The following OR51V1 variants were observed in gnomAD, a reference collection of about 807,000 sequenced individuals.
OR51V1 encodes olfactory receptor 51V1.
OR51V1 carries 16 observed loss-of-function variants against 16.3 expected under a neutral mutation model. The ratio of observed to expected loss-of-function variants is 0.98; its 90% confidence interval spans 0.67 to 1.49. The LOEUF (loss-of-function observed/expected upper bound fraction) is 1.49, where lower values mean the gene tolerates loss of function less well. OR51V1 is among the 40% of genes most tolerant of loss of function. The probability of loss-of-function intolerance (pLI) is 0.00; values close to 1 mark genes in which losing one functional copy is unlikely to be tolerated. For synonymous variants in OR51V1, 189 were observed against 142.2 expected (o/e 1.33, Z -2.34); for missense variants, 469 against 380.4 (o/e 1.23, Z -1.94).
rs765806149 is a variant in OR51V1, at chr11:5,200,497, CAT to C, written c.184_185del (p.Met62ValfsTer11). On this transcript the variant is annotated frameshift_variant, in exon 1 of 1. Coordinates refer to ENST00000641270, the MANE Select transcript of OR51V1 (RefSeq NM_001004760.3). LOFTEE classifies it high-confidence loss of function. ...GGGCCAGCATGGACAGGAAGTAAAA[CAT>C]AGGCTGGTGCAGGCTTGGCTCAGTC... is the stretch of plus-strand genomic sequence containing the variant. The part of the protein sequence containing the change: ...IWTEPSLHQP[M>X]FYFLSMLALT... 2.2e-5 allele frequency: 36 copies of C among 1,613,538 alleles called. No homozygotes were observed. In the Admixed American group the frequency reaches 5.7e-4, roughly 25 times the overall value.
At position 5,200,648 on chromosome 11, in the gene OR51V1, T is replaced by G; in HGVS notation, c.35A>C (p.Asn12Thr). 6.2e-7 allele frequency: 1 copy of G among 1,610,874 alleles called. No homozygotes were observed. The highest frequency in any genetic ancestry group is 8.5e-7 in the Non-Finnish European group (1 of 1,177,562). ...AAATCCAGTGAGAAGAAAGGAAGAA[T>G]TCGTGCTGGTGCTAGGGCTTACTGA... is the stretch of plus-strand genomic sequence containing the variant. The part of the protein sequence containing the change: ...ITSVSPSTST[N>T]SSFLLTGFSG... The change falls in exon 1 of 1, where the codon AAT (asparagine) becomes ACT (threonine). Residue 12 changes from asparagine (N) to threonine (T), a missense_variant. Physicochemically the swap from Asn to Thr is moderately conservative, Grantham distance 65 (BLOSUM62 0). Transcript: ENST00000641270.
Position 5,200,446 on chromosome 11 carries a change from G to T in OR51V1, c.237C>A (p.Ser79=). 1 of 1,613,894 alleles carries T rather than the reference G, an allele frequency of 6.2e-7. No homozygotes were observed. Among genetic ancestry groups the T allele is most frequent in the South Asian group, 1.1e-5 (1 of 91,058 alleles). ...GGATCCCCAGCACTGTGTACACAGTGGACAGCCCCATGCACAGGTCAGTGA... is the reference window on the plus strand; with the variant it reads ...GGATCCCCAGCACTGTGTACACAGTTGACAGCCCCATGCACAGGTCAGTGA... ...LALTDLCMGL[S]TVYTVLGILW... is the part of the protein sequence containing the mutation. The change falls in exon 1 of 1, where the codon TCC becomes TCA. Residue 79 remains serine, a synonymous_variant. Coordinates refer to ENST00000641270, the MANE Select transcript of OR51V1 (RefSeq NM_001004760.3).
In OR51V1 at chr11:5,200,634, G is replaced by C. The variant is rs957491734; in HGVS notation, c.49C>G (p.Leu17Val). ...TGCTCCATGCCAGAAAATCCAGTGA[G>C]AAGAAAGGAAGAATTCGTGCTGGTG... is the stretch of plus-strand genomic sequence containing the variant. ...PSTSTNSSFLLTGFSGMEQQY... is the reference protein window; with the variant it reads ...PSTSTNSSFLVTGFSGMEQQY... Residue 17 changes from leucine to valine, a missense_variant, in exon 1 of 1, where the codon CTC becomes GTC. Leu to Val is a conservative substitution (Grantham distance 32). Coordinates refer to ENST00000641270, the MANE Select transcript of OR51V1 (RefSeq NM_001004760.3). The C allele has an allele frequency of 1.9e-5, 30 of 1,611,414 alleles. No homozygotes were observed. Among genetic ancestry groups the C allele is most frequent in the Non-Finnish European group, 2.5e-5 (29 of 1,177,826 alleles).
rs768950681 is a variant in OR51V1, at chr11:5,200,052, A to G, written c.631T>C (p.Leu211=). 17 of 1,611,720 alleles carry G rather than the reference A, an allele frequency of 1.1e-5. No homozygotes were observed. In the African/African-American group the frequency reaches 1.7e-4, roughly 16 times the overall value. Residue 211 remains leucine, a synonymous_variant, in exon 1 of 1, where the codon TTG becomes CTG. Transcript: ENST00000641270. ...YALMLVICIL[L]LDAILILFSY... is the part of the protein sequence containing the mutation. Reference sequence around the variant, plus strand: ...AAAAGGATGAGTATAGCATCCAACAACAGTATGCAAATAACCAGCATCAGG... The same window carrying G: ...AAAAGGATGAGTATAGCATCCAACAGCAGTATGCAAATAACCAGCATCAGG...
Position 5,200,029 on chromosome 11 carries a change from A to G in OR51V1, c.654T>C (p.Leu218=). 6.2e-7 allele frequency: 1 copy of G among 1,613,536 alleles called. No individual in the cohort carries two copies. Among genetic ancestry groups the G allele is most frequent in the Non-Finnish European group, 8.5e-7 (1 of 1,179,488 alleles). Residue 218 remains leucine (L), a synonymous_variant, in exon 1 of 1, where the codon CTT becomes CTC. Transcript: ENST00000641270. The part of the protein sequence containing the change: ...CILLLDAILI[L]FSYILILKSV... ...ACTTAAGAATCAGGATGTAGGAGAA[A>G]AGGATGAGTATAGCATCCAACAACA...
In OR51V1 at chr11:5,200,235, T is replaced by C; in HGVS notation, c.448A>G (p.Thr150Ala). The change falls in exon 1 of 1, where the codon ACT (threonine) becomes GCT (alanine). Residue 150 changes from threonine (T) to alanine (A), a missense_variant. By Grantham distance (58) the Thr-to-Ala change is moderately conservative. Coordinates refer to ENST00000641270, the MANE Select transcript of OR51V1 (RefSeq NM_001004760.3). ...TNSRIIKIGL[T>A]IIGRSFFFIT... ...AAGAAAAAACTCCTACCTATTATAGTGAGCCCAATTTTGATAATTCTGGAA... is the reference window on the plus strand; with the variant it reads ...AAGAAAAAACTCCTACCTATTATAGCGAGCCCAATTTTGATAATTCTGGAA... 1 of 1,613,858 alleles carries C rather than the reference T, an allele frequency of 6.2e-7. No individual in the cohort carries two copies. Among genetic ancestry groups the C allele is most frequent in the East Asian group, 2.2e-5 (1 of 44,866 alleles).
At position 5,200,419 on chromosome 11, in the gene OR51V1, C is replaced by T. The variant is rs762202541; in HGVS notation, c.264G>A (p.Leu88=). The T allele has an allele frequency of 6.2e-7, 1 of 1,613,876 alleles. No homozygotes were observed. Among genetic ancestry groups the T allele is most frequent in the East Asian group, 2.2e-5 (1 of 44,848 alleles). Residue 88 remains leucine, a synonymous_variant, in exon 1 of 1, where the codon CTG becomes CTA. Coordinates refer to ENST00000641270, the MANE Select transcript of OR51V1 (RefSeq NM_001004760.3). ...AGCTGATCTCTCGAATGATCCCCCA[C>T]AGGATCCCCAGCACTGTGTACACAG... The part of the protein sequence containing the change: ...LSTVYTVLGI[L]WGIIREISLD...
rs7933718 is a variant in OR51V1, at chr11:5,200,194, G to A, written c.489C>T (p.Ile163=). 2.4e-3 allele frequency: 3,909 copies of A among 1,612,786 alleles called. 80 individuals are homozygous for A. The African/African-American group carries it at 0.046, about 19-fold the overall frequency. Residue 163 remains isoleucine (I), a synonymous_variant, in exon 1 of 1, where the codon ATC becomes ATT. Coordinates refer to ENST00000641270, the MANE Select transcript of OR51V1 (RefSeq NM_001004760.3). ...GRSFFFITPP[I]ICLKFFNYCH... is the part of the protein sequence containing the mutation. ...AGTAATTAAAAAATTTCAGACAGAT[G>A]ATGGGGGGTGTAATAAAGAAAAAAC... is the stretch of plus-strand genomic sequence containing the variant.
At position 5,199,747 on chromosome 11, in the gene OR51V1, C is replaced by G; in HGVS notation, c.936G>C (p.Leu312=). ...ATCTCAATATCTCTCAATATCTTTTCAGAGAAAAGAGTCTAAGCATTCTGG... is the reference window on the plus strand; with the variant it reads ...ATCTCAATATCTCTCAATATCTTTTGAGAGAAAAGAGTCTAAGCATTCTGG... The part of the protein sequence containing the change: ...IHTRMLRLFS[L]KRY The change falls in exon 1 of 1, where the codon CTG becomes CTC. Residue 312 remains leucine (L), a synonymous_variant. Transcript: ENST00000641270. 6.3e-7 allele frequency: 1 copy of G among 1,590,746 alleles called. No individual in the cohort carries two copies.
Position 5,200,605 on chromosome 11 carries a change from T to C in OR51V1, c.78A>G (p.Gln26=). 6.2e-7 allele frequency: 1 copy of C among 1,611,168 alleles called. No individual in the cohort carries two copies. Among genetic ancestry groups the C allele is most frequent in the Non-Finnish European group, 8.5e-7 (1 of 1,177,338 alleles). The change falls in exon 1 of 1, where the codon CAA becomes CAG. Residue 26 remains glutamine, a synonymous_variant. Transcript: ENST00000641270. ...LLTGFSGMEQ[Q]YPWLSIPFSS... ...AGAAGGGGATGGAAAGCCAGGGGTATTGCTGCTCCATGCCAGAAAATCCAG... is the reference window on the plus strand; with the variant it reads ...AGAAGGGGATGGAAAGCCAGGGGTACTGCTGCTCCATGCCAGAAAATCCAG...
In OR51V1 at chr11:5,200,132, T is replaced by G. The variant is rs1343892621; in HGVS notation, c.551A>C (p.His184Pro). 6.2e-7 allele frequency: 1 copy of G among 1,613,626 alleles called. No individual in the cohort carries two copies. Among genetic ancestry groups the G allele is most frequent in the African/African-American group, 1.3e-5 (1 of 74,866 alleles). Residue 184 changes from histidine to proline, a missense_variant, in exon 1 of 1, where the codon CAC (histidine) becomes CCC (proline). Physicochemically the swap from His to Pro is moderately conservative, Grantham distance 77 (BLOSUM62 -2). Coordinates refer to ENST00000641270, the MANE Select transcript of OR51V1 (RefSeq NM_001004760.3). ...ACAGGCTAAGCGGAGAAGATCCTGG[T>G]GCAGGCAGAAAGAGTGAGAAAGGAT... ...FHILSHSFCLHQDLLRLACSD... is the reference protein window; with the variant it reads ...FHILSHSFCLPQDLLRLACSD...
At position 5,200,192 on chromosome 11, in the gene OR51V1, A is replaced by T; in HGVS notation, c.491T>A (p.Ile164Asn). 6.2e-7 allele frequency: 1 copy of T among 1,613,158 alleles called. No individual in the cohort carries two copies. Among genetic ancestry groups the T allele is most frequent in the Non-Finnish European group, 8.5e-7 (1 of 1,179,666 alleles). Reference sequence around the variant, plus strand: ...ACAGTAATTAAAAAATTTCAGACAGATGATGGGGGGTGTAATAAAGAAAAA... The same window carrying T: ...ACAGTAATTAAAAAATTTCAGACAGTTGATGGGGGGTGTAATAAAGAAAAA... Reference protein sequence around the residue: ...RSFFFITPPIICLKFFNYCHF... With the variant: ...RSFFFITPPINCLKFFNYCHF... Residue 164 changes from isoleucine to asparagine, a missense_variant, in exon 1 of 1, where the codon ATC becomes AAC. Transcript: ENST00000641270.
At position 5,199,904 on chromosome 11, in the gene OR51V1, C is replaced by G. The variant is rs762485295; in HGVS notation, c.779G>C (p.Ser260Thr). The G allele has an allele frequency of 6.2e-7, 1 of 1,613,936 alleles. No homozygotes were observed. ...AVLVFYIPII[S>T]LTMVHRFGKH... is the part of the protein sequence containing the mutation. ...GCCAAAACGGTGCACCATTGTGAGGCTAATGATAGGGATGTAGAACACAAG... is the reference window on the plus strand; with the variant it reads ...GCCAAAACGGTGCACCATTGTGAGGGTAATGATAGGGATGTAGAACACAAG... The change falls in exon 1 of 1, where the codon AGC becomes ACC. Residue 260 changes from serine to threonine, a missense_variant. Physicochemically the swap from Ser to Thr is moderately conservative, Grantham distance 58. Transcript: ENST00000641270.
rs1160718531 is a variant in OR51V1, at chr11:5,200,549, T to C, written c.134A>G (p.Asn45Ser). The C allele has an allele frequency of 6.2e-7, 1 of 1,613,778 alleles. No homozygotes were observed. The highest frequency in any genetic ancestry group is 1.1e-5 in the South Asian group (1 of 91,070). Residue 45 changes from asparagine (N) to serine (S), a missense_variant, in exon 1 of 1, where the codon AAT (asparagine) becomes AGT (serine). By Grantham distance (46) the Asn-to-Ser change is conservative (BLOSUM62 1). Transcript: ENST00000641270. ...CCATATCACATGGAGAACCATGCAATTGCCCAAAAGCACCATGGCATAGAT... is the reference window on the plus strand; with the variant it reads ...CCATATCACATGGAGAACCATGCAACTGCCCAAAAGCACCATGGCATAGAT... Reference protein sequence around the residue: ...SSIYAMVLLGNCMVLHVIWTE... With the variant: ...SSIYAMVLLGSCMVLHVIWTE...
Position 5,200,375 on chromosome 11 carries a change from T to G in OR51V1, c.308A>C (p.Gln103Pro), listed in dbSNP as rs1354525432. ...REISLDSCIA[Q>P]SYFIHGLSFM... The stretch of plus-strand genomic sequence containing the variant: ...GGACAGACCATGGATGAAATAGGAC[T>G]GGGCAATGCAGGAATCCAAGCTGAT... Residue 103 changes from glutamine to proline, a missense_variant, in exon 1 of 1, where the codon CAG becomes CCG. Physicochemically the swap from Gln to Pro is moderately conservative, Grantham distance 76 (BLOSUM62 -1). Transcript: ENST00000641270. The G allele has an allele frequency of 6.2e-7, 1 of 1,613,878 alleles. No individual in the cohort carries two copies. Among genetic ancestry groups the G allele is most frequent in the East Asian group, 2.2e-5 (1 of 44,868 alleles).
chr11:5,200,054 A>G lies in OR51V1; in HGVS notation c.629T>C (p.Leu210Pro). 6.2e-7 allele frequency: 1 copy of G among 1,612,220 alleles called. No individual in the cohort carries two copies. The highest frequency in any genetic ancestry group is 8.5e-7 in the Non-Finnish European group (1 of 1,178,262). The change falls in exon 1 of 1, where the codon CTG (leucine) becomes CCG (proline). Residue 210 changes from leucine to proline, a missense_variant. By Grantham distance (98) the Leu-to-Pro change is moderately conservative (BLOSUM62 -3). Coordinates refer to ENST00000641270, the MANE Select transcript of OR51V1 (RefSeq NM_001004760.3). ...YYALMLVICI[L>P]LLDAILILFS... is the part of the protein sequence containing the mutation. ...AAGGATGAGTATAGCATCCAACAAC[A>G]GTATGCAAATAACCAGCATCAGGGC... is the stretch of plus-strand genomic sequence containing the variant.
In OR51V1 at chr11:5,200,396, C is replaced by T. The variant is rs1238218410; in HGVS notation, c.287G>A (p.Ser96Asn). The change falls in exon 1 of 1, where the codon AGC (serine) becomes AAC (asparagine). Residue 96 changes from serine to asparagine, a missense_variant. Coordinates refer to ENST00000641270, the MANE Select transcript of OR51V1 (RefSeq NM_001004760.3). ...GGACTGGGCAATGCAGGAATCCAAG[C>T]TGATCTCTCGAATGATCCCCCACAG... ...GILWGIIREISLDSCIAQSYF... is the reference protein window; with the variant it reads ...GILWGIIREINLDSCIAQSYF... 1 of 1,613,788 alleles carries T rather than the reference C, an allele frequency of 6.2e-7. No individual in the cohort carries two copies. Among genetic ancestry groups the T allele is most frequent in the African/African-American group, 1.3e-5 (1 of 74,860 alleles).
At position 5,199,748 on chromosome 11, in the gene OR51V1, A is replaced by G. The variant is rs1429090514; in HGVS notation, c.935T>C (p.Leu312Pro). The change falls in exon 1 of 1, where the codon CTG becomes CCG. Residue 312 changes from leucine to proline, a missense_variant. Transcript: ENST00000641270. ...TCTCAATATCTCTCAATATCTTTTC[A>G]GAGAAAAGAGTCTAAGCATTCTGGT... ...IHTRMLRLFS[L>P]KRY 1.3e-5 allele frequency: 20 copies of G among 1,591,066 alleles called. No homozygotes were observed. The highest frequency in any genetic ancestry group is 1.7e-5 in the Non-Finnish European group (20 of 1,165,492).
In OR51V1 at chr11:5,200,016, G is replaced by T. The variant is rs548436244; in HGVS notation, c.667C>A (p.Leu223Met). The change falls in exon 1 of 1, where the codon CTG (leucine) becomes ATG (methionine). Residue 223 changes from leucine to methionine, a missense_variant. Coordinates refer to ENST00000641270, the MANE Select transcript of OR51V1 (RefSeq NM_001004760.3). ...DAILILFSYI[L>M]ILKSVLAVAS... ...ACTGCCAGGACTGACTTAAGAATCA[G>T]GATGTAGGAGAAAAGGATGAGTATA... The T allele has an allele frequency of 6.2e-7, 1 of 1,613,850 alleles. No homozygotes were observed. Among genetic ancestry groups the T allele is most frequent in the Non-Finnish European group, 8.5e-7 (1 of 1,179,782 alleles).
Sources: gnomAD v4.1 joint callset for allele counts on GRCh38, gnomAD v4.1.1 for gene constraint, MANE v1.5 for transcripts, NCBI Gene and HGNC (gene_info 2026-07-23, HGNC 2026-07-21) for gene names.